RBFOX1: variants seen among roughly 807,000 people sequenced by gnomAD.
The protein encoded by RBFOX1 is RNA binding protein fox-1 homolog 1.
A neutral mutation model predicts 57.7 loss-of-function variants in RBFOX1; 8 were observed. That is an observed-to-expected ratio of 0.14 (90% CI 0.08 to 0.25). The LOEUF (loss-of-function observed/expected upper bound fraction) is 0.25. RBFOX1 is among the 10% of genes least tolerant of loss of function. RBFOX1 has a pLI of 1.00. For missense variants in RBFOX1, 611 were observed against 548.5 expected (o/e 1.11, Z -1.14); for synonymous variants, 326 against 222.4 (o/e 1.47, Z -4.15).
intron 4 of RBFOX1, among the ~76,000 whole-genome samples, chr16:7,288,510 G>C (rs1345521061): frequency 1.3e-5 from 2 of 152,168 alleles, no homozygotes; most frequent in African/African-American, 4.8e-5. Flanking sequence ...CCTTGGCATA[G>C]TGTCTACACA....
intron 12 of RBFOX1, among the ~76,000 whole-genome samples, chr16:7,657,589 G>C (rs1313307820): frequency 6.6e-6 from 1 of 152,232 alleles, no homozygotes; most frequent in Non-Finnish European, 1.5e-5. Flanking sequence ...ATAGGCGTGG[G>C]CCACTGCGCA....
chr16:7,526,912 C>A (rs1187563534), intron 5 of RBFOX1, among the ~76,000 whole-genome samples: 2 of 152,162 alleles, frequency 1.3e-5, no homozygotes, highest in African/African-American at 2.4e-5. Context: ...GGGCTGGAAG[C>A]CCAGAAGGCA....
At chr16:6,571,356 G>T (rs1432432340) in intron 2 of RBFOX1, among the ~76,000 whole-genome samples, 1 of 152,150 alleles carries the variant, frequency 6.6e-6, no homozygotes, top group African/African-American at 2.4e-5. Flanking sequence ...AGAGAGAAGG[G>T]CACATTTGAA....
At chr16:5,866,406 TG>T (rs2057344328) in intron 3 of RBFOX1, among the ~76,000 whole-genome samples, 1 of 152,226 alleles carries the variant, frequency 6.6e-6, no homozygotes, top group South Asian at 2.1e-4. Flanking sequence ...ATATGAATTT[TG>T]GGGACATAGC....
intron 1 of RBFOX1, among the ~76,000 whole-genome samples, chr16:6,217,409 A>G (rs1291758080): frequency 6.6e-6 from 1 of 151,910 alleles, no homozygotes; most frequent in Non-Finnish European, 1.5e-5. Context: ...ATCTCTCAGA[A>G]TTGAGAAAAC....
rs140318932 is a variant in RBFOX1 at position 7,507,851 on chromosome 16, C to T, written c.28-10296C>T. ...GTGCTGGGATTACAGGCATGAGCCA[C>T]GGCGCCCGGCCGGAATCTGTTATTT... On this transcript the variant is annotated intron_variant, in intron 4 of 15. Coordinates refer to ENST00000550418, the MANE Select transcript of RBFOX1 (RefSeq NM_018723.4). 7.2e-3 allele frequency among the ~76,000 whole-genome samples: 1,094 copies of T among 152,178 alleles called. 8 individuals carry two copies. Among genetic ancestry groups the T allele is most frequent in the Middle Eastern group, 0.027 (8 of 294 alleles).
chr16:7,593,189 C>T (rs890357955), intron 7 of RBFOX1, among the ~76,000 whole-genome samples: 3 of 152,148 alleles, frequency 2.0e-5, no homozygotes, highest in African/African-American at 4.8e-5. Context: ...CTGGGCCACA[C>T]ATTTTAAGCA....
intron 1 of RBFOX1, among the ~76,000 whole-genome samples, chr16:5,427,835 A>G (rs750726246): frequency 4.7e-4 from 71 of 152,308 alleles, no homozygotes; most frequent in Non-Finnish European, 9.4e-4. Context: ...CTCTGTTAAT[A>G]TCATACAAAA....
At chr16:6,926,433 C>A (rs1018191201) in intron 3 of RBFOX1, among the ~76,000 whole-genome samples, 1 of 152,290 alleles carries the variant, frequency 6.6e-6, no homozygotes, top group Middle Eastern at 3.4e-3. Context: ...CAGAATTTCC[C>A]CTGCCTCCTG....
intron 4 of RBFOX1, among the ~76,000 whole-genome samples, chr16:7,274,753 T>TAGA (rs2095408099): frequency 6.6e-6 from 1 of 152,112 alleles, no homozygotes; most frequent in South Asian, 2.1e-4. Context: ...AAGACAATCT[T>TAGA]AGCTCACATC....
chr16:6,056,310 A>G (rs1478524991), intron 1 of RBFOX1, among the ~76,000 whole-genome samples: 1 of 152,150 alleles, frequency 6.6e-6, no homozygotes, highest in East Asian at 1.9e-4. Context: ...CTTTCAAGTG[A>G]GGTTTTGGAA....
intron 4 of RBFOX1, among the ~76,000 whole-genome samples, chr16:7,432,957 A>G (rs1416329121): frequency 3.3e-5 from 5 of 152,246 alleles, no homozygotes; most frequent in African/African-American, 9.6e-5. Context: ...CGAACTGTGT[A>G]GAAGACTTCT....
chr16:5,551,683 T>C (rs938577046), intron 2 of RBFOX1, among the ~76,000 whole-genome samples: 2 of 152,106 alleles, frequency 1.3e-5, no homozygotes, highest in African/African-American at 4.8e-5. Flanking sequence ...GCAGGTTTGT[T>C]ACAGAGGTAT....
intron 2 of RBFOX1, among the ~76,000 whole-genome samples, chr16:6,440,351 A>G (rs1368592256): frequency 1.3e-5 from 2 of 152,186 alleles, no homozygotes; most frequent in African/African-American, 2.4e-5. Flanking sequence ...AGATGGAGAG[A>G]GTAGTACTCA....
chr16:6,961,893 A>T (rs140527308), intron 3 of RBFOX1, among the ~76,000 whole-genome samples: 28 of 152,274 alleles, frequency 1.8e-4, no homozygotes, highest in African/African-American at 6.7e-4. Context: ...TGGCTTCTTC[A>T]CCACATCCTG....
intron 4 of RBFOX1, among the ~76,000 whole-genome samples, chr16:7,071,110 C>T (rs762227129): frequency 1.3e-5 from 2 of 152,124 alleles, no homozygotes; most frequent in Non-Finnish European, 2.9e-5. Flanking sequence ...TGGCTTAACA[C>T]ATTACAATTT....
At chr16:5,348,578 G>T (rs1343787081) in intron 1 of RBFOX1, among the ~76,000 whole-genome samples, 1 of 152,102 alleles carries the variant, frequency 6.6e-6, no homozygotes, top group Non-Finnish European at 1.5e-5. Flanking sequence ...CATCATACTT[G>T]CTCTTAACCC....
At chr16:6,012,694 A>G (rs2094968772) in intron 4 of RBFOX1, among the ~76,000 whole-genome samples, 1 of 152,190 alleles carries the variant, frequency 6.6e-6, no homozygotes, top group African/African-American at 2.4e-5. Flanking sequence ...AAGCCCGTTG[A>G]TTTAGCAGCT....
At position 7,579,520 on chromosome 16, in the gene RBFOX1, A is replaced by C. The variant is rs1484575156; in HGVS notation, c.271-257A>C. The stretch of plus-strand genomic sequence containing the variant: ...TGGATTTATTGTCTGTGTTGCCCTC[A>C]TGAGAATGATGCTCCCTGAGGGCAG... On this transcript the variant is annotated intron_variant, in intron 5 of 15. Transcript: ENST00000550418. Among the ~76,000 whole-genome samples the C allele has an allele frequency of 2.0e-5, 3 of 152,042 alleles. No individual in the cohort carries two copies. The East Asian group carries it at 5.8e-4, about 29-fold the overall frequency.
Sources: gnomAD v4.1 joint callset for allele counts (sites outside exome capture counted in the v4.1 genomes callset) on GRCh38, gnomAD v4.1.1 for gene constraint, MANE v1.5 for transcripts, NCBI Gene and HGNC (gene_info 2026-07-23, HGNC 2026-07-21) for gene names.